Variants in TBPL2 observed in about 807,000 individuals in gnomAD.
The protein encoded by TBPL2 is TATA-box binding protein like 2.
In TBPL2, 40 loss-of-function variants were observed where a neutral mutation model predicts 38.2. The ratio of observed to expected loss-of-function variants is 1.05; its 90% confidence interval spans 0.81 to 1.36. The LOEUF is 1.36. TBPL2 is among the 40% of genes most tolerant of loss of function. TBPL2 has a pLI of 0.00. For missense variants in TBPL2, 461 were observed against 456.7 expected, an observed-to-expected ratio of 1.01 and a Z score of -0.09; for synonymous variants, 169 against 171.7, an observed-to-expected ratio of 0.98 and a Z score of 0.12.
chr14:55,418,963 C>T (rs1171624701), intron 6 of TBPL2, among the ~76,000 whole-genome samples: 1 of 152,224 alleles, frequency 6.6e-6, no homozygotes, highest in African/African-American at 2.4e-5. Context: ...AGAACTTAAA[C>T]TCACCAAGGC....
At chr14:55,422,567 G>A (rs919825450) in intron 6 of TBPL2, among the ~76,000 whole-genome samples, 3 of 152,132 alleles carry the variant, frequency 2.0e-5, no homozygotes, top group Admixed American at 1.3e-4. Context: ...GCAACTTTCT[G>A]TAGGTGGGGC....
chr14:55,420,068 T>TTTTG (rs970949816), intron 6 of TBPL2, among the ~76,000 whole-genome samples: 9 of 152,132 alleles, frequency 5.9e-5, no homozygotes, highest in Admixed American at 5.2e-4. Context: ...TTAAGGTTTT[T>TTTTG]TTTGTTTGTT....
chr14:55,423,633 A>T lies in TBPL2; in HGVS notation c.1051+526T>A, dbSNP rs541598884. Among the ~76,000 whole-genome samples, 271 of 152,332 alleles carry T rather than the reference A, an allele frequency of 1.8e-3. 1 individual carries two copies. Among genetic ancestry groups the T allele is most frequent in the African/African-American group, 6.4e-3 (264 of 41,570 alleles). On this transcript the variant is annotated intron_variant, in intron 6 of 6. Transcript: ENST00000247219. Reference sequence around the variant, plus strand: ...TTTTTATCTTTTTCAGCAGTTGGGGAAAAAATATTACATAACACACATAAA... The same window carrying T: ...TTTTTATCTTTTTCAGCAGTTGGGGTAAAAATATTACATAACACACATAAA...
chr14:55,432,272 G>C (rs1423026112), intron 4 of TBPL2, among the ~76,000 whole-genome samples: 2 of 150,526 alleles, frequency 1.3e-5, no homozygotes, highest in Non-Finnish European at 3.0e-5. Flanking sequence ...AATTAGCCAG[G>C]CCTGGTGGTG....
intron 4 of TBPL2, among the ~76,000 whole-genome samples, chr14:55,430,578 T>C (rs907325651): frequency 2.0e-5 from 3 of 152,056 alleles, no homozygotes; most frequent in East Asian, 3.9e-4. Flanking sequence ...TAAATTTTTA[T>C]AGAGACAGGG....
chr14:55,421,159 G>A (rs1264495896), intron 6 of TBPL2, among the ~76,000 whole-genome samples: 2 of 151,836 alleles, frequency 1.3e-5, no homozygotes, highest in African/African-American at 4.8e-5. Flanking sequence ...AACTTTGCCT[G>A]TATTTGGCAA....
intron 6 of TBPL2, 93 bp from the exon 7 acceptor site, chr14:55,414,548 T>C: frequency 1.1e-6 from 1 of 909,738 alleles, no homozygotes; most frequent in Non-Finnish European, 1.6e-6. Context: ...TCCAATTACT[T>C]TTAATATGAC....
intron 2 of TBPL2, 115 bp downstream of exon 2, chr14:55,436,446 A>C: frequency 3.1e-6 from 3 of 969,646 alleles, no homozygotes; most frequent in Non-Finnish European, 4.6e-6. Flanking sequence ...AAAACAAAGA[A>C]TTATGAAATC....
At chr14:55,428,906 C>T in exon 5 of TBPL2, 1 of 1,614,200 alleles carries the variant, frequency 6.2e-7, no homozygotes. Flanking sequence ...ATCGAGGAAT[C>T]TGGCAGGGAA....
At chr14:55,431,032 G>C (rs1885917008) in intron 4 of TBPL2, among the ~76,000 whole-genome samples, 1 of 152,126 alleles carries the variant, frequency 6.6e-6, no homozygotes, top group Admixed American at 6.5e-5. Context: ...TTAGAAAGTA[G>C]TTTAAAAATC....
chr14:55,440,445 T>G (rs1362775433), exon 1 of TBPL2: 1 of 1,612,370 alleles, frequency 6.2e-7, no homozygotes, highest in South Asian at 1.1e-5. Flanking sequence ...CTCCTCCTGC[T>G]CCATGGACCG....
intron 6 of TBPL2, among the ~76,000 whole-genome samples, chr14:55,422,493 C>T (rs1230181344): frequency 6.6e-6 from 1 of 152,134 alleles, no homozygotes; most frequent in Admixed American, 6.5e-5. Flanking sequence ...TCATAATTCG[C>T]CTGCCTCGGC....
chr14:55,415,264 G>T (rs1885651259), intron 6 of TBPL2, among the ~76,000 whole-genome samples: 1 of 152,170 alleles, frequency 6.6e-6, no homozygotes, highest in South Asian at 2.1e-4. Flanking sequence ...AAGAAAGGAG[G>T]ATAATGAAAG....
chr14:55,417,541 C>G lies in TBPL2; in HGVS notation c.1052-3086G>C, dbSNP rs142821382. 6.6e-3 allele frequency among the ~76,000 whole-genome samples: 997 copies of G among 151,702 alleles called. 7 individuals are homozygous for G. Among genetic ancestry groups the G allele is most frequent in the Non-Finnish European group, 0.011 (723 of 67,968 alleles). On this transcript the variant is annotated intron_variant, in intron 6 of 6. Transcript: ENST00000247219. Reference sequence around the variant, plus strand: ...CCATCTCAGCTCACTGCAACCTCTGCCTCCTGGGTTTGGGTTCAAGTGATT... The same window carrying G: ...CCATCTCAGCTCACTGCAACCTCTGGCTCCTGGGTTTGGGTTCAAGTGATT...
chr14:55,434,382 T>C (rs1306443261), intron 3 of TBPL2, among the ~76,000 whole-genome samples: 1 of 152,064 alleles, frequency 6.6e-6, no homozygotes, highest in African/African-American at 2.4e-5. Context: ...CATGGACGTG[T>C]CATCAAATGG....
chr14:55,417,820 T>G (rs764785104), intron 6 of TBPL2, among the ~76,000 whole-genome samples: 4 of 152,170 alleles, frequency 2.6e-5, no homozygotes, highest in Non-Finnish European at 5.9e-5. Flanking sequence ...CTAACCTTGG[T>G]GACTAAGGTG....
intron 3 of TBPL2, among the ~76,000 whole-genome samples, chr14:55,434,428 C>A (rs1380015987): frequency 6.6e-6 from 1 of 152,160 alleles, no homozygotes; most frequent in Non-Finnish European, 1.5e-5. Flanking sequence ...CACCCCAACT[C>A]CTCTCCCCGG....
At chr14:55,429,462 C>T (rs1210997115) in intron 4 of TBPL2, among the ~76,000 whole-genome samples, 1 of 152,162 alleles carries the variant, frequency 6.6e-6, no homozygotes, top group African/African-American at 2.4e-5. Context: ...CAAAGTATGT[C>T]CCATTTAGAA....
chr14:55,439,877 G>C (rs1240442553), intron 1 of TBPL2, among the ~76,000 whole-genome samples: 1 of 141,160 alleles, frequency 7.1e-6, no homozygotes, highest in Non-Finnish European at 1.5e-5. Context: ...CTTGCAGTGA[G>C]CCGAGATCGC....
Sources: gnomAD v4.1 joint callset for allele counts (sites outside exome capture counted in the v4.1 genomes callset) on GRCh38, gnomAD v4.1.1 for gene constraint, MANE v1.5 for transcripts, NCBI Gene and HGNC (gene_info 2026-07-23, HGNC 2026-07-21) for gene names.